The following TRIM71 variants were observed in gnomAD, a reference collection of about 807,000 sequenced individuals.
The protein encoded by TRIM71 is tripartite motif containing 71.
TRIM71 carries 9 observed loss-of-function variants against 61.2 expected under a neutral mutation model. That is an observed-to-expected ratio of 0.15 (90% confidence interval 0.09 to 0.26). The LOEUF is 0.26. TRIM71 is among the 10% of genes least tolerant of loss of function. The pLI, the probability that TRIM71 is intolerant of heterozygous loss-of-function variation, is 1.00. For missense variants in TRIM71, 998 were observed against 1,238.7 expected, an observed-to-expected ratio of 0.81 and a Z score of 2.92; for synonymous variants, 645 against 553.2, an observed-to-expected ratio of 1.17 and a Z score of -2.33.
chr3:32,853,694 T>A (rs186563066), intron 1 of TRIM71, among the ~76,000 whole-genome samples: 235 of 152,280 alleles, frequency 1.5e-3, no homozygotes, highest in Admixed American at 3.7e-3. Context: ...TTGTCAAGTC[T>A]GGAGTTTGGT....
rs1330791583 is a variant in TRIM71, at chr3:32,818,022, T to A, written c.-59T>A. The A allele has an allele frequency of 1.3e-6, 2 of 1,497,898 alleles. No individual in the cohort carries two copies. The highest frequency in any genetic ancestry group is 2.8e-5 in the African/African-American group (2 of 71,376). The allele number at this position is 1,497,898 out of a possible 1,614,324, so 92.8% of individuals were successfully genotyped here. A position where few individuals can be genotyped will look rare whatever the true frequency, so the allele number is the denominator to read the frequency against. On this transcript the variant is annotated 5_prime_UTR_variant, in exon 1 of 4. Transcript: ENST00000383763. ...ACTCCCCCACCCACCTCGTCCGCTC[T>A]CTCCTCCTCCTCCTCCTCTTCCTCT...
At chr3:32,879,938 G>A (rs1433238547) in intron 2 of TRIM71, among the ~76,000 whole-genome samples, 1 of 151,854 alleles carries the variant, frequency 6.6e-6, no homozygotes. Context: ...TCCAGCCTGG[G>A]CGACAGAGCA....
At chr3:32,885,176 C>T (rs1171986508) in intron 2 of TRIM71, among the ~76,000 whole-genome samples, 2 of 152,174 alleles carry the variant, frequency 1.3e-5, no homozygotes, top group Non-Finnish European at 1.5e-5. Flanking sequence ...ATCACCTACC[C>T]GAAACCTGTT....
chr3:32,831,474 C>T (rs780900126), intron 1 of TRIM71, among the ~76,000 whole-genome samples: 2 of 151,574 alleles, frequency 1.3e-5, no homozygotes, highest in Admixed American at 6.6e-5. Flanking sequence ...TCAACTTTTC[C>T]TGCAAGTTGC....
At chr3:32,865,983 C>T (rs540788956) in intron 1 of TRIM71, among the ~76,000 whole-genome samples, 6 of 151,908 alleles carry the variant, frequency 3.9e-5, no homozygotes, top group South Asian at 2.1e-4. Flanking sequence ...CCCGTCACTA[C>T]GCCTGGCTAA....
chr3:32,852,776 A>G (rs1696553138), intron 1 of TRIM71, among the ~76,000 whole-genome samples: 2 of 150,374 alleles, frequency 1.3e-5, no homozygotes, highest in South Asian at 4.2e-4. Context: ...AAAAAAAAAC[A>G]AAAACAAACT....
At chr3:32,851,309 C>T (rs997604452) in intron 1 of TRIM71, among the ~76,000 whole-genome samples, 2 of 152,124 alleles carry the variant, frequency 1.3e-5, no homozygotes, top group African/African-American at 4.8e-5. Context: ...ATACAATGAA[C>T]AAATGGCCAA....
At chr3:32,859,498 T>G (rs1332985116) in intron 1 of TRIM71, among the ~76,000 whole-genome samples, 1 of 152,186 alleles carries the variant, frequency 6.6e-6, no homozygotes, top group African/African-American at 2.4e-5. Flanking sequence ...CTTCAGGTGA[T>G]CCGCCTGCCT....
chr3:32,889,698 C>T (rs1440182360), intron 3 of TRIM71, among the ~76,000 whole-genome samples: 6 of 151,674 alleles, frequency 4.0e-5, no homozygotes, highest in Non-Finnish European at 8.8e-5. Flanking sequence ...AAGCGATTCT[C>T]CCCACATCAG....
In TRIM71 at chr3:32,871,555, G is replaced by A. The variant is rs572203568; in HGVS notation, c.853-2263G>A. On this transcript the variant is annotated intron_variant, in intron 1 of 3. Transcript: ENST00000383763. Reference sequence around the variant, plus strand: ...GGAGAGAGCAAAGGAAAGGAACGTCGTTCAAACTGGTAGAATTGCTTTAGC... The same window carrying A: ...GGAGAGAGCAAAGGAAAGGAACGTCATTCAAACTGGTAGAATTGCTTTAGC... Among the ~76,000 whole-genome samples the A allele has an allele frequency of 1.6e-4, 24 of 152,306 alleles. No homozygotes were observed. The South Asian group carries it at 3.3e-3, about 21-fold the overall frequency.
At chr3:32,832,233 G>A (rs928651747) in intron 1 of TRIM71, among the ~76,000 whole-genome samples, 3 of 152,180 alleles carry the variant, frequency 2.0e-5, no homozygotes, top group Non-Finnish European at 4.4e-5. Context: ...CTGGGAAGCT[G>A]AGACAGGAGG....
At chr3:32,837,011 C>T (rs1044354973) in intron 1 of TRIM71, among the ~76,000 whole-genome samples, 5 of 152,170 alleles carry the variant, frequency 3.3e-5, no homozygotes, top group Admixed American at 2.6e-4. Context: ...TGCCTTTTCC[C>T]CCCAATTTTT....
At chr3:32,861,129 C>T (rs999853893) in intron 1 of TRIM71, among the ~76,000 whole-genome samples, 7 of 151,226 alleles carry the variant, frequency 4.6e-5, no homozygotes, top group African/African-American at 7.3e-5. Context: ...GAGTTGAGAT[C>T]GTGTCATTGT....
At chr3:32,885,451 T>G (rs1428409710) in intron 2 of TRIM71, among the ~76,000 whole-genome samples, 1 of 152,144 alleles carries the variant, frequency 6.6e-6, no homozygotes, top group Non-Finnish European at 1.5e-5. Flanking sequence ...TGAGCTGTGT[T>G]GCCAGTGCCT....
chr3:32,878,671 C>A (rs535185980), intron 2 of TRIM71, among the ~76,000 whole-genome samples: 20 of 152,298 alleles, frequency 1.3e-4, no homozygotes, highest in African/African-American at 3.8e-4. Context: ...AACCATGCTA[C>A]AAACAGACAT....
At chr3:32,863,504 T>C (rs1348821379) in intron 1 of TRIM71, among the ~76,000 whole-genome samples, 1 of 152,204 alleles carries the variant, frequency 6.6e-6, no homozygotes, top group Admixed American at 6.6e-5. Flanking sequence ...AAGGATTCCC[T>C]TGGGGTCCCT....
intron 3 of TRIM71, among the ~76,000 whole-genome samples, chr3:32,888,949 C>T (rs1696993017): frequency 6.6e-6 from 1 of 152,186 alleles, no homozygotes; most frequent in South Asian, 2.1e-4. Context: ...GATAGCTCTC[C>T]CTATGGCCTT....
At chr3:32,882,851 A>G (rs769397704) in intron 2 of TRIM71, among the ~76,000 whole-genome samples, 2 of 152,086 alleles carry the variant, frequency 1.3e-5, no homozygotes, top group South Asian at 4.2e-4. Context: ...CCCAATTTTT[A>G]ATAGCAATTC....
chr3:32,840,394 TA>T (rs1368567978), intron 1 of TRIM71, among the ~76,000 whole-genome samples: 1 of 152,172 alleles, frequency 6.6e-6, no homozygotes. Context: ...AGCCAGTACA[TA>T]ACATGAATAC....
Sources: gnomAD v4.1 joint callset for allele counts (sites outside exome capture counted in the v4.1 genomes callset) on GRCh38, gnomAD v4.1.1 for gene constraint, MANE v1.5 for transcripts, NCBI Gene and HGNC (gene_info 2026-07-23, HGNC 2026-07-21) for gene names.